The following MOB3B variants were observed in gnomAD, a reference collection of about 807,000 sequenced individuals.
The protein encoded by MOB3B is MOB kinase activator-like 2B.
In MOB3B, 7 loss-of-function variants were observed where a neutral mutation model predicts 18.7. The observed-to-expected ratio is 0.37, with a 90% CI of 0.21 to 0.70. The LOEUF (loss-of-function observed/expected upper bound fraction) is 0.70, where lower values mean the gene tolerates loss of function less well. Ranked by LOEUF, MOB3B falls within the 30% of genes least tolerant of loss-of-function variation. The pLI, the probability that MOB3B is intolerant of heterozygous loss-of-function variation, is 0.52. For missense variants in MOB3B, 253 were observed against 281.3 expected, an observed-to-expected ratio of 0.90 and a Z score of 0.72; for synonymous variants, 111 against 99.9, an observed-to-expected ratio of 1.11 and a Z score of -0.66.
intron 2 of MOB3B, among the ~76,000 whole-genome samples, chr9:27,391,961 A>G (rs748341126): frequency 8.5e-5 from 13 of 152,256 alleles, no homozygotes; most frequent in South Asian, 2.1e-4. Context: ...CCATGCCTCT[A>G]TAAGTCTCTA....
intron 1 of MOB3B, among the ~76,000 whole-genome samples, chr9:27,526,777 T>C (rs2131512559): frequency 6.6e-6 from 1 of 152,222 alleles, no homozygotes; most frequent in Non-Finnish European, 1.5e-5. Flanking sequence ...ATGTGAAAAA[T>C]GTTTAATCTA....
chr9:27,392,891 T>G (rs1821746764), intron 2 of MOB3B, among the ~76,000 whole-genome samples: 1 of 152,204 alleles, frequency 6.6e-6, no homozygotes, highest in African/African-American at 2.4e-5. Flanking sequence ...CAGAAGGGAC[T>G]CAAAAAATGT....
At chr9:27,359,010 C>T (rs748320190) in intron 3 of MOB3B, 24 bp downstream of exon 3, 2 of 1,611,972 alleles carry the variant, frequency 1.2e-6, no homozygotes, top group Non-Finnish European at 1.7e-6. Flanking sequence ...GACTTGGATA[C>T]CATTATTTCA....
rs1434198292 is a variant in MOB3B at position 27,502,321 on chromosome 9, C to CA, written c.-199+27233dup. 3.3e-5 allele frequency among the ~76,000 whole-genome samples: 5 copies of CA among 152,182 alleles called. No individual in the cohort carries two copies. In the East Asian group the frequency reaches 7.7e-4, roughly 23 times the overall value. ...ACCAAATAATACTTAATACTAATTC[C>CA]AAATACCTCTTCCCTATTCATATAC... On this transcript the variant is annotated intron_variant, in intron 1 of 3. Coordinates refer to ENST00000262244, the MANE Select transcript of MOB3B (RefSeq NM_024761.5).
At chr9:27,483,918 C>T (rs1260734749) in intron 1 of MOB3B, among the ~76,000 whole-genome samples, 1 of 152,200 alleles carries the variant, frequency 6.6e-6, no homozygotes, top group Non-Finnish European at 1.5e-5. Flanking sequence ...AAAAAAGCTA[C>T]AGACTCTGGA....
At chr9:27,445,373 G>A (rs937351667) in intron 2 of MOB3B, among the ~76,000 whole-genome samples, 1 of 152,140 alleles carries the variant, frequency 6.6e-6, no homozygotes, top group Non-Finnish European at 1.5e-5. Flanking sequence ...CGTAAGGAGA[G>A]GAGCAGATTT....
At chr9:27,445,179 T>C (rs994584195) in intron 2 of MOB3B, among the ~76,000 whole-genome samples, 1 of 152,252 alleles carries the variant, frequency 6.6e-6, no homozygotes, top group African/African-American at 2.4e-5. Context: ...AGGGAAATTA[T>C]GCTAAAATTT....
chr9:27,330,758 T>C, intron 3 of MOB3B, 142 bp from the exon 4 acceptor site: 1 of 1,249,780 alleles, frequency 8.0e-7, no homozygotes. Context: ...AGGCTTAGCA[T>C]GAGGGTATGT....
chr9:27,435,258 G>A (rs1230011638), intron 2 of MOB3B, among the ~76,000 whole-genome samples: 1 of 152,056 alleles, frequency 6.6e-6, no homozygotes, highest in Non-Finnish European at 1.5e-5. Context: ...CAAACCTGAG[G>A]TTTAAACTAT....
intron 1 of MOB3B, among the ~76,000 whole-genome samples, chr9:27,468,873 G>A (rs1308197722): frequency 6.6e-6 from 1 of 152,164 alleles, no homozygotes; most frequent in Non-Finnish European, 1.5e-5. Flanking sequence ...ATCAACAGTG[G>A]CTACTGGACA....
At chr9:27,513,143 C>A (rs1820171508) in intron 1 of MOB3B, among the ~76,000 whole-genome samples, 1 of 152,158 alleles carries the variant, frequency 6.6e-6, no homozygotes, top group Non-Finnish European at 1.5e-5. Flanking sequence ...ATCTCATAAT[C>A]AAATACATTA....
chr9:27,429,557 G>T (rs1406358908), intron 2 of MOB3B, among the ~76,000 whole-genome samples: 1 of 152,150 alleles, frequency 6.6e-6, no homozygotes, highest in African/African-American at 2.4e-5. Context: ...AGAGAAACTA[G>T]AACTAAGACA....
At chr9:27,404,925 A>T (rs1821943501) in intron 2 of MOB3B, among the ~76,000 whole-genome samples, 1 of 151,988 alleles carries the variant, frequency 6.6e-6, no homozygotes, top group Non-Finnish European at 1.5e-5. Context: ...ACCAGCCTTA[A>T]TTATTGCCTT....
intron 2 of MOB3B, among the ~76,000 whole-genome samples, chr9:27,415,511 T>C (rs1822131424): frequency 6.6e-6 from 1 of 151,934 alleles, no homozygotes; most frequent in Admixed American, 6.5e-5. Flanking sequence ...AGTCTTCCCA[T>C]TCATTATTCT....
chr9:27,334,611 G>A (rs77503336), intron 3 of MOB3B, among the ~76,000 whole-genome samples: 1,681 of 152,244 alleles, frequency 0.011, 14 homozygotes, highest in East Asian at 0.036. Flanking sequence ...ACAAACTTCC[G>A]TGAACTCTAA....
intron 1 of MOB3B, among the ~76,000 whole-genome samples, chr9:27,518,854 C>T (rs933616319): frequency 6.6e-6 from 1 of 152,154 alleles, no homozygotes; most frequent in Non-Finnish European, 1.5e-5. Flanking sequence ...AGAAGTCACA[C>T]GGCAGTTTTT....
chr9:27,362,648 A>C (rs1024866206), intron 2 of MOB3B, among the ~76,000 whole-genome samples: 4 of 152,012 alleles, frequency 2.6e-5, no homozygotes, highest in Non-Finnish European at 5.9e-5. Context: ...CACTGCAGTC[A>C]CCCCAGGCCA....
At chr9:27,373,965 C>A (rs1821456573) in intron 2 of MOB3B, among the ~76,000 whole-genome samples, 1 of 152,230 alleles carries the variant, frequency 6.6e-6, no homozygotes, top group Non-Finnish European at 1.5e-5. Flanking sequence ...CTAGTCTTAG[C>A]CAATCACAGT....
chr9:27,446,084 A>C (rs890024906), intron 2 of MOB3B, among the ~76,000 whole-genome samples: 4 of 152,182 alleles, frequency 2.6e-5, no homozygotes, highest in African/African-American at 9.7e-5. Context: ...AAAGGCCTGA[A>C]CTAAGGTTCA....
Sources: gnomAD v4.1 joint callset for allele counts (sites outside exome capture counted in the v4.1 genomes callset) on GRCh38, gnomAD v4.1.1 for gene constraint, MANE v1.5 for transcripts, NCBI Gene and HGNC (gene_info 2026-07-23, HGNC 2026-07-21) for gene names.